The following NCBP3 variants were observed in gnomAD, a reference collection of about 807,000 sequenced individuals.
NCBP3 encodes nuclear cap binding subunit 3.
In NCBP3, 20 loss-of-function variants were observed where a neutral mutation model predicts 75.7. That is an observed-to-expected ratio of 0.26 (90% CI 0.19 to 0.38). NCBP3 has a LOEUF of 0.38. Ranked by LOEUF, NCBP3 falls within the 10% of genes least tolerant of loss-of-function variation. NCBP3 has a pLI of 1.00. For missense variants in NCBP3, 678 were observed against 796.9 expected (o/e 0.85, Z 1.80); for synonymous variants, 293 against 290.5 (o/e 1.01, Z -0.09).
At chr17:3,841,787 C>T (rs1416594265) in intron 2 of NCBP3, among the ~76,000 whole-genome samples, 1 of 143,526 alleles carries the variant, frequency 7.0e-6, no homozygotes, top group East Asian at 2.1e-4. Context: ...GAGCCGTGAT[C>T]GCACCCCTGA....
intron 2 of NCBP3, among the ~76,000 whole-genome samples, chr17:3,842,247 A>T (rs1293108761): frequency 1.3e-5 from 2 of 152,178 alleles, no homozygotes; most frequent in Non-Finnish European, 2.9e-5. Flanking sequence ...CAATACAATG[A>T]AACCCTGTCT....
At position 3,818,477 on chromosome 17, in the gene NCBP3, C is replaced by T; in HGVS notation, c.1096G>A (p.Asp366Asn). 1.2e-6 allele frequency: 2 copies of T among 1,614,038 alleles called. No homozygotes were observed. Among genetic ancestry groups the T allele is most frequent in the Non-Finnish European group, 1.7e-6 (2 of 1,180,040 alleles). Residue 366 changes from aspartate to asparagine, a missense_variant, in exon 10 of 13, where the codon GAT (aspartate) becomes AAT (asparagine). Physicochemically the swap from Asp to Asn is conservative, Grantham distance 23 (BLOSUM62 1). Around this residue, in one of 7 missense-constraint regions of NCBP3, gnomAD observed 365 missense variants for 392.7 expected, o/e 0.93. Transcript: ENST00000389005. This position sits in a 1 kb window ranked among gnomAD's most constrained non-coding sequence, Gnocchi z 4.7. ...EEEEDQDMDA[D>N]DRVVVEYHEE... ...TGGTACTCTACCACCACTCTGTCAT[C>T]TGCATCCATGTCCTGGTCTTCTTCT...
In NCBP3 at chr17:3,840,167, G is replaced by GA; in HGVS notation, c.287dup (p.His97ProfsTer39). 6.4e-7 allele frequency: 1 copy of GA among 1,551,736 alleles called. No individual in the cohort carries two copies. Among genetic ancestry groups the GA allele is most frequent in the Non-Finnish European group, 8.7e-7 (1 of 1,146,998 alleles). ...CAAGATTTACTTCCGATCGAAAATG[G>GA]AAGCGCTTGGCTCGCTGCTCTTTCT... On this transcript the variant is annotated frameshift_variant, in exon 3 of 13. Transcript: ENST00000389005. LOFTEE classifies it high-confidence loss of function.
In NCBP3 at chr17:3,832,521, C is replaced by T. The variant is rs1240798195; in HGVS notation, c.356-3153G>A. Among the ~76,000 whole-genome samples the T allele has an allele frequency of 2.4e-5, 3 of 123,560 alleles. 1 individual carries two copies. The highest frequency in any genetic ancestry group is 8.0e-3 in the Middle Eastern group (2 of 250). 81.1% of individuals were successfully genotyped at this position (123,560 alleles called of 152,430 possible). A position where few individuals can be genotyped will look rare whatever the true frequency, so the allele number is the denominator to read the frequency against. ...TGGCAGGCACCTGTAGTCCCAGCTA[C>T]TCGGGAGGCTGAGGCAGGAGAATCA... On this transcript the variant is annotated intron_variant, in intron 3 of 12. Coordinates refer to ENST00000389005, the MANE Select transcript of NCBP3 (RefSeq NM_001114118.3).
chr17:3,829,197 A>C (rs751727903), intron 4 of NCBP3, 46 bp downstream of exon 4: 3 of 1,546,136 alleles, frequency 1.9e-6, no homozygotes, highest in Non-Finnish European at 2.6e-6. Flanking sequence ...AACTCTTGAA[A>C]AATCATCAAC....
At chr17:3,826,449 G>T (rs2053784881) in intron 4 of NCBP3, among the ~76,000 whole-genome samples, 1 of 151,854 alleles carries the variant, frequency 6.6e-6, no homozygotes, top group African/African-American at 2.4e-5. Context: ...ATCATCCTGG[G>T]CAACATAGTG....
intron 9 of NCBP3, among the ~76,000 whole-genome samples, chr17:3,820,175 C>A (rs1186917106): frequency 6.6e-6 from 1 of 152,118 alleles, no homozygotes. Flanking sequence ...GTCTCAAACT[C>A]CTGGTTTCAA....
intron 10 of NCBP3, among the ~76,000 whole-genome samples, chr17:3,817,367 A>T (rs2053555100): frequency 6.6e-6 from 1 of 152,118 alleles, no homozygotes; most frequent in Non-Finnish European, 1.5e-5. Flanking sequence ...ATGGTGGCTC[A>T]TGCCTGTAAT....
intron 1 of NCBP3, among the ~76,000 whole-genome samples, chr17:3,844,019 G>C (rs190855753): frequency 6.6e-6 from 1 of 152,278 alleles, no homozygotes; most frequent in Non-Finnish European, 1.5e-5. Context: ...TCCATGTAAA[G>C]AAAATCTAAA....
chr17:3,839,792 A>C (rs2054033977), intron 3 of NCBP3, among the ~76,000 whole-genome samples: 2 of 152,240 alleles, frequency 1.3e-5, no homozygotes, highest in African/African-American at 4.8e-5. Context: ...CTACGATAAA[A>C]GGAGAAAATG....
Position 3,826,073 on chromosome 17 carries a change from C to T in NCBP3, c.610+14G>A, listed in dbSNP as rs1470696253. 3.2e-6 allele frequency: 5 copies of T among 1,549,736 alleles called. No homozygotes were observed. The highest frequency in any genetic ancestry group is 4.4e-6 in the Non-Finnish European group (5 of 1,146,056). The stretch of plus-strand genomic sequence containing the variant: ...AGGACTTTCAGACCCCAGTTCCCTC[C>T]TTTGTGTTGTTACCTTTTTTCCTTT... On this transcript the variant is annotated intron_variant, in intron 5 of 12. Coordinates refer to ENST00000389005, the MANE Select transcript of NCBP3 (RefSeq NM_001114118.3).
intron 8 of NCBP3, among the ~76,000 whole-genome samples, 165 bp from the exon 9 acceptor site, chr17:3,821,517 G>C (rs1469601453): frequency 6.6e-6 from 1 of 151,988 alleles, no homozygotes; most frequent in Non-Finnish European, 1.5e-5. Flanking sequence ...TTGCCTCTTG[G>C]GTTCAAGCAA....
intron 3 of NCBP3, among the ~76,000 whole-genome samples, chr17:3,831,069 G>A (rs929714118): frequency 5.3e-5 from 8 of 150,916 alleles, no homozygotes; most frequent in South Asian, 2.1e-4. Flanking sequence ...GCGCCACCAC[G>A]CCATGCTAAT....
chr17:3,820,921 C>T (rs1366450950), intron 9 of NCBP3, among the ~76,000 whole-genome samples: 1 of 148,590 alleles, frequency 6.7e-6, no homozygotes, highest in Non-Finnish European at 1.5e-5. Flanking sequence ...CAGAGCGAGA[C>T]TCCGTCTTAA....
chr17:3,814,241 T>C, intron 12 of NCBP3, 81 bp downstream of exon 12: 1 of 1,447,800 alleles, frequency 6.9e-7, no homozygotes, highest in South Asian at 1.3e-5. Context: ...TGCCTTCTGC[T>C]AAGAAAGTAT....
At chr17:3,840,321 C>T in intron 2 of NCBP3, 116 bp from the exon 3 acceptor site, 1 of 770,146 alleles carries the variant, frequency 1.3e-6, no homozygotes. Context: ...ATAAGCAACA[C>T]TACACCTTGA....
At chr17:3,830,656 C>T (rs2053861255) in intron 3 of NCBP3, among the ~76,000 whole-genome samples, 1 of 152,176 alleles carries the variant, frequency 6.6e-6, no homozygotes, top group Non-Finnish European at 1.5e-5. Context: ...GGCACGATCT[C>T]GGCTCACTGC....
At chr17:3,821,430 CTTT>C in intron 8 of NCBP3, 78 bp from the exon 9 acceptor site, 1 of 1,049,144 alleles carries the variant, frequency 9.5e-7, no homozygotes, top group Admixed American at 2.4e-5. Context: ...TTTCTCTTTT[CTTT>C]TTTTTTTGTG....
At chr17:3,841,603 T>TC (rs1491143226) in intron 2 of NCBP3, among the ~76,000 whole-genome samples, 1,006 of 87,378 alleles carry the variant, frequency 0.012, 3 homozygotes, top group Non-Finnish European at 0.02. Flanking sequence ...ATTCTCTCTC[T>TC]TTTTTTTTTT....
Sources: allele counts gnomAD v4.1 joint callset (sites outside exome capture counted in the v4.1 genomes callset), GRCh38; gene constraint gnomAD v4.1.1; regional missense constraint gnomAD v4.1.1; non-coding constraint Gnocchi (gnomAD v3.1); transcripts MANE v1.5; gene names NCBI Gene and HGNC (gene_info 2026-07-23, HGNC 2026-07-21).